RGPD3: variants seen among roughly 807,000 people sequenced by gnomAD.
RGPD3 encodes RANBP2 like and GRIP domain containing 3, also known as ranBP2-like and GRIP domain-containing protein 3.
Under a neutral mutation model 154.5 loss-of-function variants are expected in RGPD3, and 62 were observed. That is an observed-to-expected ratio of 0.40 (90% CI 0.33 to 0.50). The LOEUF is 0.50. Ranked by LOEUF, RGPD3 falls within the 20% of genes least tolerant of loss-of-function variation. The pLI is 0.59. For synonymous variants in RGPD3, 308 were observed against 607.0 expected (o/e 0.51, Z 7.24); for missense variants, 919 against 1,716.8 (o/e 0.54, Z 8.21).
At position 106,465,414 on chromosome 2, in the gene RGPD3, T is replaced by C. The variant is rs139832650; in HGVS notation, c.72+2803A>G. Among the ~76,000 whole-genome samples the C allele has an allele frequency of 5.8e-3, 884 of 152,280 alleles. 21 individuals are homozygous for C. Among genetic ancestry groups the C allele is most frequent in the African/African-American group, 0.02 (824 of 41,546 alleles). Reference sequence around the variant, plus strand: ...TAAGAGAGGTGGTCATAATAACCAATCGTCAAAATCTTGCCACCACTCCAC... The same window carrying C: ...TAAGAGAGGTGGTCATAATAACCAACCGTCAAAATCTTGCCACCACTCCAC... On this transcript the variant is annotated intron_variant, in intron 1 of 22. Coordinates refer to ENST00000409886, the MANE Select transcript of RGPD3 (RefSeq NM_001144013.2).
intron 22 of RGPD3, among the ~76,000 whole-genome samples, chr2:106,411,732 C>T (rs560765248): frequency 5.9e-5 from 9 of 152,018 alleles, no homozygotes; most frequent in Non-Finnish European, 1.0e-4. Flanking sequence ...GCAGGAGAAT[C>T]GCTTGAATCT....
chr2:106,464,717 T>C (rs1443833376), intron 1 of RGPD3, among the ~76,000 whole-genome samples: 5 of 151,528 alleles, frequency 3.3e-5, no homozygotes, highest in African/African-American at 4.8e-5. Flanking sequence ...AAAAATTATA[T>C]ATTTTTTTCT....
Position 106,433,031 on chromosome 2 carries a change from T to A in RGPD3, c.2386-13A>T, listed in dbSNP as rs1310654234. 1 of 1,610,656 alleles carries A rather than the reference T, an allele frequency of 6.2e-7. No homozygotes were observed. The highest frequency in any genetic ancestry group is 1.1e-5 in the South Asian group (1 of 90,722). On this transcript the variant is annotated splice_polypyrimidine_tract_variant and intron_variant, in intron 16 of 22. Coordinates refer to ENST00000409886, the MANE Select transcript of RGPD3 (RefSeq NM_001144013.2). Reference sequence around the variant, plus strand: ...TTTTGGGAGAATACTAAAAAAAAAATAAAAATAACAAAAGAGCATTTAAAA... The same window carrying A: ...TTTTGGGAGAATACTAAAAAAAAAAAAAAAATAACAAAAGAGCATTTAAAA...
In RGPD3 at chr2:106,424,521, G is replaced by T; in HGVS notation, c.3446C>A (p.Ala1149Glu). Residue 1149 changes from alanine to glutamate, a missense_variant, in exon 20 of 23, where the codon GCA becomes GAA. Ala to Glu is a moderately radical substitution (Grantham distance 107). Coordinates refer to ENST00000409886, the MANE Select transcript of RGPD3 (RefSeq NM_001144013.2). ...AGCCAGCTCTGGTGTTTTAAATTTTGCTGCCAATCGCTCTAGTTTGGCATC... is the reference window on the plus strand; with the variant it reads ...AGCCAGCTCTGGTGTTTTAAATTTTTCTGCCAATCGCTCTAGTTTGGCATC... ...DGDAKLERLA[A>E]KFKTPELAEE... 6.2e-7 allele frequency: 1 copy of T among 1,606,228 alleles called. No homozygotes were observed. The highest frequency in any genetic ancestry group is 1.1e-5 in the South Asian group (1 of 90,736).
At chr2:106,428,776 G>A (rs62152462) in intron 18 of RGPD3, among the ~76,000 whole-genome samples, 23,052 of 148,934 alleles carry the variant, frequency 0.15, 2,025 homozygotes, top group South Asian at 0.19. Flanking sequence ...GGCTGCCTGG[G>A]AGCAATGTAT....
At chr2:106,465,765 T>C (rs907333556) in intron 1 of RGPD3, among the ~76,000 whole-genome samples, 1 of 151,682 alleles carries the variant, frequency 6.6e-6, no homozygotes, top group African/African-American at 2.4e-5. Flanking sequence ...ACCAAAGTGT[T>C]CCGGGCAGGG....
Position 106,459,123 on chromosome 2 carries a change from G to GC in RGPD3, c.140+141dup, listed in dbSNP as rs1353688001. On this transcript the variant is annotated intron_variant, in intron 2 of 22. Transcript: ENST00000409886. The stretch of plus-strand genomic sequence containing the variant: ...TCAATGGAATCTAGGCTGGTCCTTA[G>GC]CATCAGTCTGAGTGATAAATCCCTT... The GC allele has an allele frequency of 1.1e-5, 6 of 548,466 alleles. No individual in the cohort carries two copies. The African/African-American group carries it at 1.1e-4, about 10-fold the overall frequency. The allele number at this position is 548,466 out of a possible 1,614,324, so 34.0% of individuals were successfully genotyped here. A position where few individuals can be genotyped will look rare whatever the true frequency, so the allele number is the denominator to read the frequency against.
chr2:106,457,322 A>G (rs1191913165), intron 3 of RGPD3, among the ~76,000 whole-genome samples, 199 bp from the exon 4 acceptor site: 1 of 152,262 alleles, frequency 6.6e-6, no homozygotes, highest in African/African-American at 2.4e-5. Context: ...GAACCAAATA[A>G]AGATTATATT....
At chr2:106,418,438 T>C (rs1194032083) in intron 20 of RGPD3, among the ~76,000 whole-genome samples, 2 of 151,950 alleles carry the variant, frequency 1.3e-5, no homozygotes, top group African/African-American at 4.8e-5. Context: ...CTTATACCTT[T>C]ACCTCTGCAG....
intron 21 of RGPD3, among the ~76,000 whole-genome samples, chr2:106,415,135 T>C (rs1244490898): frequency 1.3e-5 from 2 of 150,866 alleles, no homozygotes; most frequent in African/African-American, 4.9e-5. Flanking sequence ...TGGTGTCTAC[T>C]TTAAACAGGA....
Position 106,413,106 on chromosome 2 carries a change from T to C in RGPD3, c.5244A>G (p.Gly1748=). 1 of 1,610,724 alleles carries C rather than the reference T, an allele frequency of 6.2e-7. No individual in the cohort carries two copies. Among genetic ancestry groups the C allele is most frequent in the Non-Finnish European group, 8.5e-7 (1 of 1,179,618 alleles). The part of the protein sequence containing the change: ...TMLQLSLEEK[G]KLAAVAQGEE ...CACCTTGAGCAACCGCAGCAAGTTTTCCCTTTTCTTCAAGGCTGAGCTGCA... is the reference window on the plus strand; with the variant it reads ...CACCTTGAGCAACCGCAGCAAGTTTCCCCTTTTCTTCAAGGCTGAGCTGCA... The change falls in exon 22 of 23, where the codon GGA becomes GGG. Residue 1748 remains glycine (G), a synonymous_variant. Transcript: ENST00000409886.
intron 22 of RGPD3, among the ~76,000 whole-genome samples, chr2:106,410,574 TATC>T (rs1676639055): frequency 6.6e-6 from 1 of 152,196 alleles, no homozygotes; most frequent in African/African-American, 2.4e-5. Flanking sequence ...TTTGAGATAA[TATC>T]ATTGTTGTAT....
At chr2:106,421,668 T>C (rs1573249609) in intron 20 of RGPD3, among the ~76,000 whole-genome samples, 1 of 152,018 alleles carries the variant, frequency 6.6e-6, no homozygotes, top group South Asian at 2.1e-4. Context: ...AAAACGGGGG[T>C]CCATTTTCAA....
chr2:106,448,039 G>A (rs1261562544), intron 6 of RGPD3, among the ~76,000 whole-genome samples: 1 of 150,186 alleles, frequency 6.7e-6, no homozygotes, highest in East Asian at 2.0e-4. Flanking sequence ...ATAATTGACA[G>A]GTATTTGAGT....
At chr2:106,448,136 C>CT (rs1426629393) in intron 6 of RGPD3, among the ~76,000 whole-genome samples, 4 of 140,128 alleles carry the variant, frequency 2.9e-5, no homozygotes, top group African/African-American at 1.1e-4. Flanking sequence ...GAGACGGAGT[C>CT]TCTCACTATC....
At position 106,425,092 on chromosome 2, in the gene RGPD3, G is replaced by A. The variant is rs772910817; in HGVS notation, c.2875C>T (p.Arg959Cys). The A allele has an allele frequency of 5.0e-6, 8 of 1,611,744 alleles. No homozygotes were observed. Among genetic ancestry groups the A allele is most frequent in the African/African-American group, 2.7e-5 (2 of 74,780 alleles). The change falls in exon 20 of 23, where the codon CGT becomes TGT. Residue 959 changes from arginine to cysteine, a missense_variant. Transcript: ENST00000409886. ...AQDISGRKKG[R>C]GVIFGQTSST... ...CTTGTTTGGCCAAAAATCACACCAC[G>A]GCCCTTCTTCCGGCCACTAATATCC... is the stretch of plus-strand genomic sequence containing the variant.
intron 7 of RGPD3, among the ~76,000 whole-genome samples, chr2:106,445,219 G>A (rs1677874139): frequency 1.4e-5 from 2 of 144,856 alleles, no homozygotes; most frequent in Non-Finnish European, 3.0e-5. Flanking sequence ...AACCCAGGAG[G>A]CGGAGCTTGC....
chr2:106,468,251 G>T lies in RGPD3; in HGVS notation c.38C>A (p.Ala13Asp). Residue 13 changes from alanine (A) to aspartate (D), a missense_variant, in exon 1 of 23, where the codon GCC becomes GAC. Physicochemically the swap from Ala to Asp is moderately radical, Grantham distance 126. Coordinates refer to ENST00000409886, the MANE Select transcript of RGPD3 (RefSeq NM_001144013.2). ...CSKAYGERYV[A>D]SVQGSAPSPR... ...CGACGGGGCGGAGCCCTGCACCGAG[G>T]CGACGTACCGCTCCCCGTAGGCCTT... The T allele has an allele frequency of 5.6e-6, 9 of 1,608,026 alleles. No homozygotes were observed. The highest frequency in any genetic ancestry group is 7.6e-6 in the Non-Finnish European group (9 of 1,178,372).
intron 1 of RGPD3, among the ~76,000 whole-genome samples, chr2:106,466,981 G>A (rs1159496987): frequency 8.0e-6 from 1 of 125,050 alleles, no homozygotes; most frequent in Non-Finnish European, 1.7e-5. Context: ...CGCAGGGCCA[G>A]GTCGAGGCTG....
Sources: gnomAD v4.1 joint callset for allele counts (sites outside exome capture counted in the v4.1 genomes callset) on GRCh38, gnomAD v4.1.1 for gene constraint, MANE v1.5 for transcripts, NCBI Gene and HGNC (gene_info 2026-07-23, HGNC 2026-07-21) for gene names.